The following ZNF99 variants were observed in gnomAD, a reference collection of about 807,000 sequenced individuals.
ZNF99 encodes the protein zinc finger protein ENSP00000375192.
A neutral mutation model predicts 12.8 loss-of-function variants in ZNF99; 8 were observed. The ratio of observed to expected loss-of-function variants is 0.62; its 90% confidence interval spans 0.37 to 1.13. ZNF99 has a LOEUF of 1.13. Among genes scored for constraint, ZNF99 ranks in the 50% most tolerant of loss-of-function variants. The pLI is 0.02. For synonymous variants in ZNF99, 318 were observed against 319.0 expected (o/e 1.00, Z 0.03); for missense variants, 1,007 against 1,006.2 (o/e 1.00, Z -0.01).
intron 3 of ZNF99, among the ~76,000 whole-genome samples, chr19:22,763,553 C>T (rs1973172329): frequency 6.6e-6 from 1 of 152,234 alleles, no homozygotes; most frequent in East Asian, 1.9e-4. Flanking sequence ...GACCACACTG[C>T]CAAAAGCAAT....
intron 1 of ZNF99, among the ~76,000 whole-genome samples, chr19:22,772,864 G>A (rs55848347): frequency 0.086 from 13,020 of 152,198 alleles, 572 homozygotes; most frequent in Middle Eastern, 0.11. Flanking sequence ...AGCAGCAGGT[G>A]TTCCCTGCAC....
intron 1 of ZNF99, among the ~76,000 whole-genome samples, chr19:22,783,205 G>C (rs1196940403): frequency 6.6e-6 from 1 of 152,066 alleles, no homozygotes; most frequent in East Asian, 2.0e-4. Context: ...GCTTGAACCT[G>C]GGAGGCGGAA....
intron 1 of ZNF99, among the ~76,000 whole-genome samples, chr19:22,780,551 C>T (rs1260553458): frequency 2.0e-5 from 3 of 151,892 alleles, no homozygotes; most frequent in Non-Finnish European, 4.4e-5. Flanking sequence ...AAATTAGCGG[C>T]GTGGTGGCAC....
intron 1 of ZNF99, among the ~76,000 whole-genome samples, chr19:22,777,057 T>C (rs963886563): frequency 6.6e-5 from 10 of 152,024 alleles, no homozygotes; most frequent in African/African-American, 2.4e-4. Flanking sequence ...GGGGCTGAGG[T>C]AGAAGAACTG....
chr19:22,767,916 G>C (rs1430184844), intron 3 of ZNF99, among the ~76,000 whole-genome samples: 1 of 152,146 alleles, frequency 6.6e-6, no homozygotes, highest in Non-Finnish European at 1.5e-5. Context: ...AAGAGAAACT[G>C]GACATATCAC....
intron 3 of ZNF99, among the ~76,000 whole-genome samples, chr19:22,767,629 C>G (rs1973218942): frequency 6.6e-6 from 1 of 151,864 alleles, no homozygotes; most frequent in African/African-American, 2.4e-5. Context: ...TAAATATTGA[C>G]ATAGGTGAAG....
chr19:22,775,528 G>A, intron 1 of ZNF99, among the ~76,000 whole-genome samples: 1 of 152,104 alleles, frequency 6.6e-6, no homozygotes, highest in East Asian at 1.9e-4. Flanking sequence ...ATTACCAAAA[G>A]CAACTGCAAC....
In ZNF99 at chr19:22,758,602, C is replaced by T. The variant is rs138536833; in HGVS notation, c.1307G>A (p.Arg436His). Residue 436 changes from arginine to histidine, a missense_variant, in exon 4 of 4, where the codon CGT (arginine) becomes CAT (histidine). Transcript: ENST00000596209. ...CTTATGTTTTCTAAGGGCTGAGAAA[C>T]GCTTAAAAGCTTTGCCACATTCTTC... ...KCEECGKAFK[R>H]FSALRKHKII... 4.6e-4 allele frequency: 709 copies of T among 1,544,138 alleles called. 2 individuals are homozygous for T. In the African/African-American group the frequency reaches 7.0e-3, roughly 15 times the overall value.
In ZNF99 at chr19:22,759,686, G is replaced by A; in HGVS notation, c.227-4C>T. The A allele has an allele frequency of 6.7e-7, 1 of 1,498,594 alleles. No individual in the cohort carries two copies. The highest frequency in any genetic ancestry group is 8.9e-7 in the Non-Finnish European group (1 of 1,126,644). 92.8% of individuals were successfully genotyped at this position (1,498,594 alleles called of 1,614,324 possible). A position where few individuals can be genotyped will look rare whatever the true frequency, so the allele number is the denominator to read the frequency against. On this transcript the variant is annotated splice_polypyrimidine_tract_variant and splice_region_variant and intron_variant, in intron 3 of 3. Transcript: ENST00000596209. ...TGTGTAAAATGAGAACTAATAACTG[G>A]AAGAAATGAAAATAATAAATTATGT...
intron 3 of ZNF99, among the ~76,000 whole-genome samples, chr19:22,763,583 T>C (rs62120114): frequency 0.086 from 13,029 of 152,068 alleles, 576 homozygotes; most frequent in Middle Eastern, 0.11. Flanking sequence ...AAATGCAATT[T>C]CCATCAAAAT....
chr19:22,779,018 A>C (rs926793425), intron 1 of ZNF99, among the ~76,000 whole-genome samples: 3 of 110,836 alleles, frequency 2.7e-5, no homozygotes, highest in Non-Finnish European at 4.3e-5. Context: ...AAAAAAAAAA[A>C]AGAAAGAAAA....
chr19:22,755,646 T>C lies in ZNF99; in HGVS notation c.*1668A>G, dbSNP rs1346274039. ...TGTTCCTCTCCAAGATAAATTATTT[T>C]ATGTTGAGTAAAGTTTGAGGACTGG... is the stretch of plus-strand genomic sequence containing the variant. On this transcript the variant is annotated 3_prime_UTR_variant, in exon 4 of 4. Coordinates refer to ENST00000596209, the MANE Select transcript of ZNF99 (RefSeq NM_001080409.3). 2.5e-5 allele frequency: 7 copies of C among 279,988 alleles called. No homozygotes were observed. The highest frequency in any genetic ancestry group is 4.5e-5 in the African/African-American group (2 of 44,764). 17.3% of individuals were successfully genotyped at this position (279,988 alleles called of 1,614,324 possible). A position where few individuals can be genotyped will look rare whatever the true frequency, so the allele number is the denominator to read the frequency against.
intron 1 of ZNF99, chr19:22,770,354 C>CA (rs1462958132): frequency 2.1e-5 from 3 of 143,468 alleles, no homozygotes; most frequent in African/African-American, 8.1e-5. Context: ...AAAAACCTGT[C>CA]AGACAGCTTT....
intron 1 of ZNF99, among the ~76,000 whole-genome samples, chr19:22,782,643 T>C (rs906107851): frequency 6.9e-6 from 1 of 145,234 alleles, no homozygotes; most frequent in Non-Finnish European, 1.5e-5. Flanking sequence ...ATTACAGGCA[T>C]GAACCACCGC....
At chr19:22,769,490 G>A (rs760993948) in intron 1 of ZNF99, among the ~76,000 whole-genome samples, 166 bp from the exon 2 acceptor site, 1 of 152,066 alleles carries the variant, frequency 6.6e-6, no homozygotes, top group African/African-American at 2.4e-5. Context: ...CGTCTCGGCT[G>A]GGCGCAGTGG....
rs1973055195 is a variant in ZNF99 at position 22,756,432 on chromosome 19, T to A, written c.*882A>T. The A allele has an allele frequency of 1.3e-6, 2 of 1,582,852 alleles. No individual in the cohort carries two copies. The highest frequency in any genetic ancestry group is 4.6e-5 in the East Asian group (2 of 43,426). ...TTAGTAAGGTTTGAGGACTAAATGC[T>A]TTACCACACTCTTCACATTTGTAGG... On this transcript the variant is annotated 3_prime_UTR_variant, in exon 4 of 4. Coordinates refer to ENST00000596209, the MANE Select transcript of ZNF99 (RefSeq NM_001080409.3).
At chr19:22,782,575 T>C (rs1973400082) in intron 1 of ZNF99, among the ~76,000 whole-genome samples, 1 of 151,474 alleles carries the variant, frequency 6.6e-6, no homozygotes, top group Non-Finnish European at 1.5e-5. Context: ...TTGGTCAGGC[T>C]GGTCTTGAAC....
Position 22,753,974 on chromosome 19 carries a change from GAA to G in ZNF99, c.*3338_*3339del, listed in dbSNP as rs1294670498. The G allele has an allele frequency of 4.4e-6, 2 of 453,218 alleles. 1 individual carries two copies. Among genetic ancestry groups the G allele is most frequent in the South Asian group, 3.1e-5 (2 of 64,194 alleles). 28.1% of individuals were successfully genotyped at this position (453,218 alleles called of 1,614,324 possible). On this transcript the variant is annotated 3_prime_UTR_variant, in exon 4 of 4. Transcript: ENST00000596209. The stretch of plus-strand genomic sequence containing the variant: ...GACACTATGATTTCTTTTATGTTTA[GAA>G]AAGTTTAAGGTGTTCTCAAGAGCAC...
intron 3 of ZNF99, among the ~76,000 whole-genome samples, chr19:22,764,853 TG>T (rs1973188179): frequency 6.6e-6 from 1 of 152,154 alleles, no homozygotes; most frequent in Non-Finnish European, 1.5e-5. Context: ...TTGGTGTGGA[TG>T]TGGTGATCAG....
Sources: allele counts gnomAD v4.1 joint callset (sites outside exome capture counted in the v4.1 genomes callset), GRCh38; gene constraint gnomAD v4.1.1; transcripts MANE v1.5; gene names NCBI Gene and HGNC (gene_info 2026-07-23, HGNC 2026-07-21).